PIKFYVE: variants seen among roughly 807,000 people sequenced by gnomAD.
The protein encoded by PIKFYVE is 1-phosphatidylinositol 3-phosphate 5-kinase.
PIKFYVE carries 122 observed loss-of-function variants against 257.9 expected under a neutral mutation model. The ratio of observed to expected loss-of-function variants is 0.47; its 90% CI spans 0.41 to 0.55. The LOEUF (loss-of-function observed/expected upper bound fraction) is 0.55. Ranked by LOEUF, PIKFYVE falls within the 20% of genes least tolerant of loss-of-function variation. PIKFYVE has a pLI of 0.00. For missense variants in PIKFYVE, 2,160 were observed against 2,536.6 expected, an observed-to-expected ratio of 0.85 and a Z score of 3.19; for synonymous variants, 892 against 868.9, an observed-to-expected ratio of 1.03 and a Z score of -0.47.
chr2:208,271,015 G>A (rs1324140256), intron 1 of PIKFYVE, among the ~76,000 whole-genome samples: 3 of 146,546 alleles, frequency 2.0e-5, no homozygotes, highest in East Asian at 2.0e-4. Flanking sequence ...CAGTCTGGGC[G>A]ACAGAGCAAG....
In PIKFYVE at chr2:208,355,253, A is replaced by C; in HGVS notation, c.6245A>C (p.Lys2082Thr). Reference protein sequence around the residue: ...YRTRFCEAMDKYFLMVPDHWT... With the variant: ...YRTRFCEAMDTYFLMVPDHWT... Reference sequence around the variant, plus strand: ...ACTAGGTTTTGTGAGGCAATGGACAAGTATTTCCTAATGGTACCAGACCAC... The same window carrying C: ...ACTAGGTTTTGTGAGGCAATGGACACGTATTTCCTAATGGTACCAGACCAC... Residue 2082 changes from lysine (K) to threonine (T), a missense_variant, in exon 42 of 42, where the codon AAG (lysine) becomes ACG (threonine). Around this residue, in one of 12 missense-constraint regions of PIKFYVE, gnomAD observed 38 missense variants for 77.7 expected, o/e 0.49. Transcript: ENST00000264380. 6.2e-7 allele frequency: 1 copy of C among 1,614,120 alleles called. No individual in the cohort carries two copies. Among genetic ancestry groups the C allele is most frequent in the Non-Finnish European group, 8.5e-7 (1 of 1,179,928 alleles).
chr2:208,295,723 A>T (rs1423756795), intron 7 of PIKFYVE, among the ~76,000 whole-genome samples: 1 of 152,202 alleles, frequency 6.6e-6, no homozygotes, highest in Non-Finnish European at 1.5e-5. Context: ...TTGATCTCTC[A>T]CATGTTAGGT....
intron 18 of PIKFYVE, 76 bp downstream of exon 18, chr2:208,324,358 A>G (rs1696666221): frequency 1.4e-6 from 2 of 1,475,296 alleles, no homozygotes; most frequent in South Asian, 2.3e-5. Context: ...TGGTAGGTAT[A>G]CAAGAATCTT....
intron 22 of PIKFYVE, 42 bp from the exon 23 acceptor site, chr2:208,330,481 G>T: frequency 6.2e-7 from 1 of 1,611,924 alleles, no homozygotes. Flanking sequence ...TCTGATTTCT[G>T]TTTCATGCTT....
chr2:208,348,229 G>A (rs1014451371), intron 35 of PIKFYVE, among the ~76,000 whole-genome samples: 1 of 152,180 alleles, frequency 6.6e-6, no homozygotes, highest in African/African-American at 2.4e-5. Context: ...ATCGTGTACT[G>A]TGTGGTAGAA....
chr2:208,342,675 T>C (rs754248287), intron 32 of PIKFYVE, 26 bp downstream of exon 32: 8 of 1,527,482 alleles, frequency 5.2e-6, no homozygotes, highest in East Asian at 4.5e-5. Context: ...CTTTGACTTA[T>C]GATGATATCT....
rs1487962861 is a variant in PIKFYVE at position 208,304,931 on chromosome 2, C to G, written c.1554C>G (p.Asn518Lys). The change falls in exon 12 of 42, where the codon AAC becomes AAG. Residue 518 changes from asparagine (N) to lysine (K), a missense_variant. Around this residue, in one of 12 missense-constraint regions of PIKFYVE, gnomAD observed 346 missense variants for 365.6 expected, o/e 0.95. Transcript: ENST00000264380. ...ACTCAGCCGCTTCTATCAGCCTGAACGTGGAGCTGGACAACGTGAACTTCC... is the reference window on the plus strand; with the variant it reads ...ACTCAGCCGCTTCTATCAGCCTGAAGGTGGAGCTGGACAACGTGAACTTCC... The part of the protein sequence containing the change: ...DSDSAASISL[N>K]VELDNVNFHI... 6.2e-7 allele frequency: 1 copy of G among 1,614,130 alleles called. No homozygotes were observed. The highest frequency in any genetic ancestry group is 8.5e-7 in the Non-Finnish European group (1 of 1,180,020).
chr2:208,332,974 C>T (rs951413565), intron 23 of PIKFYVE, among the ~76,000 whole-genome samples: 1 of 152,104 alleles, frequency 6.6e-6, no homozygotes, highest in African/African-American at 2.4e-5. Flanking sequence ...GTGGCTCACA[C>T]CTGTAATCCC....
intron 12 of PIKFYVE, among the ~76,000 whole-genome samples, chr2:208,306,895 A>G (rs995343680): frequency 6.6e-6 from 1 of 151,588 alleles, no homozygotes; most frequent in East Asian, 1.9e-4. Context: ...CTCCCACCTC[A>G]GCCTCCTGAG....
chr2:208,302,600 A>G (rs923738243), intron 10 of PIKFYVE: 1 of 456,300 alleles, frequency 2.2e-6, no homozygotes, highest in African/African-American at 2.0e-5. Flanking sequence ...AGATAATCAA[A>G]CACTTTTTTC....
At chr2:208,346,948 T>A (rs1699287683) in intron 34 of PIKFYVE, among the ~76,000 whole-genome samples, 1 of 152,220 alleles carries the variant, frequency 6.6e-6, no homozygotes, top group Non-Finnish European at 1.5e-5. Context: ...AGGCTCCTCC[T>A]TTAGTCAGTC....
intron 31 of PIKFYVE, among the ~76,000 whole-genome samples, chr2:208,340,449 G>A (rs1360111985): frequency 6.6e-6 from 1 of 152,090 alleles, no homozygotes; most frequent in African/African-American, 2.4e-5. Context: ...AAAACATATT[G>A]CTGGTTATAT....
intron 21 of PIKFYVE, among the ~76,000 whole-genome samples, chr2:208,329,553 C>T (rs142486389): frequency 6.6e-6 from 1 of 152,114 alleles, no homozygotes; most frequent in South Asian, 2.1e-4. Flanking sequence ...GTAAAGGAAA[C>T]CTTTACCTCT....
At chr2:208,325,062 A>G in intron 19 of PIKFYVE, 25 bp downstream of exon 19, 1 of 1,613,884 alleles carries the variant, frequency 6.2e-7, no homozygotes, top group Non-Finnish European at 8.5e-7. Context: ...GCATAGATTG[A>G]CCTGAGGAAA....
Position 208,338,545 on chromosome 2 carries a change from C to T in PIKFYVE, c.4649C>T (p.Pro1550Leu). ...AMDASPRNIS[P>L]GLQNGEKEDR... ...GATGCATCTCCACGGAATATTTCTC[C>T]AGGACTTCAGAATGGAGAAAAAGGT... is the stretch of plus-strand genomic sequence containing the variant. The change falls in exon 29 of 42, where the codon CCA becomes CTA. Residue 1550 changes from proline (P) to leucine (L), a missense_variant. Physicochemically the swap from Pro to Leu is moderately conservative, Grantham distance 98. Coordinates refer to ENST00000264380, the MANE Select transcript of PIKFYVE (RefSeq NM_015040.4). 6.2e-7 allele frequency: 1 copy of T among 1,613,328 alleles called. No individual in the cohort carries two copies. The highest frequency in any genetic ancestry group is 1.1e-5 in the South Asian group (1 of 91,062).
chr2:208,327,491 T>C (rs1697065869), intron 20 of PIKFYVE, among the ~76,000 whole-genome samples: 1 of 152,234 alleles, frequency 6.6e-6, no homozygotes, highest in Admixed American at 6.5e-5. Context: ...GCCCATGATA[T>C]ATTTGAAGTG....
intron 2 of PIKFYVE, 96 bp from the exon 3 acceptor site, chr2:208,273,488 T>A (rs1689696617): frequency 8.3e-6 from 12 of 1,439,914 alleles, no homozygotes; most frequent in South Asian, 5.8e-5. Flanking sequence ...ACGCATATAA[T>A]ACATGCATAC....
chr2:208,325,782 T>G lies in PIKFYVE; in HGVS notation c.2971T>G (p.Leu991Val), dbSNP rs761126058. Reference protein sequence around the residue: ...PLPVDDQQDALGSEQPETLQQ... With the variant: ...PLPVDDQQDAVGSEQPETLQQ... ...CCCTGTGGATGACCAACAAGATGCT[T>G]TAGGCAGCGAGCAGCCAGAGACTTT... The change falls in exon 20 of 42, where the codon TTA becomes GTA. Residue 991 changes from leucine (L) to valine (V), a missense_variant. Around this residue, in one of 12 missense-constraint regions of PIKFYVE, gnomAD observed 522 missense variants for 514.6 expected, o/e 1.01. Coordinates refer to ENST00000264380, the MANE Select transcript of PIKFYVE (RefSeq NM_015040.4). 1.9e-6 allele frequency: 3 copies of G among 1,614,070 alleles called. No homozygotes were observed. The Admixed American group carries it at 5.0e-5, about 27-fold the overall frequency.
chr2:208,329,696 T>A, intron 21 of PIKFYVE, 146 bp from the exon 22 acceptor site: 1 of 1,365,524 alleles, frequency 7.3e-7, no homozygotes, highest in Non-Finnish European at 9.8e-7. Flanking sequence ...TATTAAAACC[T>A]GTTTCATAAC....
Sources: allele counts gnomAD v4.1 joint callset (sites outside exome capture counted in the v4.1 genomes callset), GRCh38; gene constraint gnomAD v4.1.1; regional missense constraint gnomAD v4.1.1; transcripts MANE v1.5; gene names NCBI Gene and HGNC (gene_info 2026-07-23, HGNC 2026-07-21).